The following MGAT4D variants were observed in gnomAD, a reference collection of about 807,000 sequenced individuals.
The protein encoded by MGAT4D is alpha-1,3-mannosyl-glycoprotein 4-beta-N-acetylglucosaminyltransferase-like protein MGAT4D.
Under a neutral mutation model 15.9 loss-of-function variants are expected in MGAT4D, and 34 were observed. The ratio of observed to expected loss-of-function variants is 2.14; its 90% CI spans 1.62 to 2.84. MGAT4D has a LOEUF of 2.84. Ranked by LOEUF, MGAT4D falls within the 30% of genes most tolerant of loss-of-function variation. The pLI is 0.00. For missense variants in MGAT4D, 327 were observed against 140.2 expected, an observed-to-expected ratio of 2.33 and a Z score of -6.73; for synonymous variants, 112 against 48.2, an observed-to-expected ratio of 2.33 and a Z score of -5.49.
chr4:140,444,337 C>T (rs562066645), intron 10 of MGAT4D, among the ~76,000 whole-genome samples: 180 of 152,106 alleles, frequency 1.2e-3, no homozygotes, highest in Non-Finnish European at 1.9e-3. Flanking sequence ...GCATAGTACC[C>T]GATAGTTATT....
At chr4:140,451,039 T>A (rs890650879) in intron 10 of MGAT4D, among the ~76,000 whole-genome samples, 196 of 152,356 alleles carry the variant, frequency 1.3e-3, no homozygotes, top group African/African-American at 4.5e-3. Flanking sequence ...CTGATACATT[T>A]AAATTAAATA....
At chr4:140,490,177 T>C (rs779210523) in intron 1 of MGAT4D, among the ~76,000 whole-genome samples, 7 of 152,238 alleles carry the variant, frequency 4.6e-5, no homozygotes, top group African/African-American at 7.2e-5. Context: ...TCTATGTTTA[T>C]TCAACATTTA....
chr4:140,496,770 G>A (rs1168816144), intron 1 of MGAT4D, among the ~76,000 whole-genome samples: 1 of 152,144 alleles, frequency 6.6e-6, no homozygotes, highest in Non-Finnish European at 1.5e-5. Flanking sequence ...TTGAACCTGG[G>A]AGGCACAGGT....
At chr4:140,468,101 A>T (rs917704013) in intron 5 of MGAT4D, among the ~76,000 whole-genome samples, 1 of 150,738 alleles carries the variant, frequency 6.6e-6, no homozygotes, top group African/African-American at 2.4e-5. Flanking sequence ...AAAAATAGTG[A>T]ATATTAAATA....
rs61131099 is a variant in MGAT4D, at chr4:140,485,810, TAAAAAAAAAAAAAAAAAAAAAAA to T, written c.95-3348_95-3326del. Among the ~76,000 whole-genome samples, 3 of 13,018 alleles carry T rather than the reference TAAAAAAAAAAAAAAAAAAAAAAA, an allele frequency of 2.3e-4. 1 individual carries two copies. The highest frequency in any genetic ancestry group is 3.5e-3 in the South Asian group (1 of 286). The allele number at this position is 13,018 out of a possible 152,430, so 8.5% of individuals were successfully genotyped here. A position where few individuals can be genotyped will look rare whatever the true frequency, so the allele number is the denominator to read the frequency against. On this transcript the variant is annotated intron_variant, in intron 1 of 10. Transcript: ENST00000511113. ...TGAGCAACAGAGCAAGACCCTGTCT[TAAAAAAAAAAAAAAAAAAAAAAA>T]AAAAAAAAAAAAAAAGCAATGATGA...
chr4:140,496,157 C>T (rs1177405405), intron 1 of MGAT4D, among the ~76,000 whole-genome samples: 1 of 152,164 alleles, frequency 6.6e-6, no homozygotes, highest in South Asian at 2.1e-4. Flanking sequence ...ATTTTTAAGA[C>T]ATTGGGACTA....
At chr4:140,467,604 G>T (rs1423105213) in intron 5 of MGAT4D, among the ~76,000 whole-genome samples, 1 of 152,044 alleles carries the variant, frequency 6.6e-6, no homozygotes, top group East Asian at 1.9e-4. Context: ...AATTTTGTGT[G>T]TTGACACCTT....
chr4:140,450,767 T>C (rs575792324), intron 10 of MGAT4D, among the ~76,000 whole-genome samples: 12 of 152,202 alleles, frequency 7.9e-5, no homozygotes, highest in Non-Finnish European at 1.5e-4. Context: ...TTTAAACTCT[T>C]TGAAGCTTTT....
intron 1 of MGAT4D, among the ~76,000 whole-genome samples, chr4:140,489,484 C>T (rs191321345): frequency 6.6e-6 from 1 of 152,226 alleles, no homozygotes; most frequent in African/African-American, 2.4e-5. Flanking sequence ...GTTTCCTTCC[C>T]AGATCCAATT....
At chr4:140,491,905 AG>A (rs75913290) in intron 1 of MGAT4D, among the ~76,000 whole-genome samples, 3,680 of 152,136 alleles carry the variant, frequency 0.024, 196 homozygotes, top group East Asian at 0.23. Context: ...AGAAAGGAGG[AG>A]GGGGGTGCAG....
In MGAT4D at chr4:140,471,229, T is replaced by A. The variant is rs146584818; in HGVS notation, c.572+546A>T. Among the ~76,000 whole-genome samples the A allele has an allele frequency of 1.2e-3, 69 of 59,124 alleles. 1 individual carries two copies. The highest frequency in any genetic ancestry group is 1.4e-3 in the Non-Finnish European group (47 of 33,086). The allele number at this position is 59,124 out of a possible 152,430, so 38.8% of individuals were successfully genotyped here. On this transcript the variant is annotated intron_variant, in intron 5 of 10. Coordinates refer to ENST00000511113, the MANE Select transcript of MGAT4D (RefSeq NM_001277353.2). Reference sequence around the variant, plus strand: ...TCGTTTCTCCTTTCTCCTTTTTGTTTCCTTCCTTCCTTCCTTCCTTCCTTC... The same window carrying A: ...TCGTTTCTCCTTTCTCCTTTTTGTTACCTTCCTTCCTTCCTTCCTTCCTTC...
chr4:140,489,513 C>G (rs979475511), intron 1 of MGAT4D, among the ~76,000 whole-genome samples: 26 of 152,168 alleles, frequency 1.7e-4, no homozygotes, highest in Non-Finnish European at 3.1e-4. Flanking sequence ...TCCCTACCCC[C>G]AGATAAGCAG....
intron 2 of MGAT4D, among the ~76,000 whole-genome samples, chr4:140,481,712 ATTGT>A (rs1256192400): frequency 6.6e-6 from 1 of 152,236 alleles, no homozygotes; most frequent in South Asian, 2.1e-4. Flanking sequence ...AGGGTTACAC[ATTGT>A]TTGATTGCAT....
chr4:140,484,744 T>C (rs1284772749), intron 1 of MGAT4D, among the ~76,000 whole-genome samples: 1 of 152,094 alleles, frequency 6.6e-6, no homozygotes, highest in Non-Finnish European at 1.5e-5. Context: ...GGGCAAAGGA[T>C]ATGAACAGAC....
Position 140,479,500 on chromosome 4 carries a change from C to A in MGAT4D, c.381G>T (p.Gly127=). 1 of 490,684 alleles carries A rather than the reference C, an allele frequency of 2.0e-6. No homozygotes were observed. The highest frequency in any genetic ancestry group is 3.4e-5 in the South Asian group (1 of 29,362). 30.4% of individuals were successfully genotyped at this position (490,684 alleles called of 1,614,324 possible). ...TCTAAGTTTTCTTACCACCAGTTTTCCCTTTGCCAATGATTACATCAGGAT... is the reference window on the plus strand; with the variant it reads ...TCTAAGTTTTCTTACCACCAGTTTTACCTTTGCCAATGATTACATCAGGAT... The part of the protein sequence containing the change: ...RIYPDVIIGK[G]KTGVSFALGI... Residue 127 remains glycine, a synonymous_variant, in exon 3 of 11, where the codon GGG becomes GGT. Coordinates refer to ENST00000511113, the MANE Select transcript of MGAT4D (RefSeq NM_001277353.2).
At chr4:140,472,944 T>G (rs1478625149) in intron 4 of MGAT4D, among the ~76,000 whole-genome samples, 1 of 152,096 alleles carries the variant, frequency 6.6e-6, no homozygotes, top group Non-Finnish European at 1.5e-5. Context: ...GTTTCGAGTT[T>G]TTTCTGCATT....
At chr4:140,448,397 T>A (rs1179055319) in intron 10 of MGAT4D, among the ~76,000 whole-genome samples, 1 of 152,174 alleles carries the variant, frequency 6.6e-6, no homozygotes, top group Non-Finnish European at 1.5e-5. Flanking sequence ...CTTTGTTTAT[T>A]CTTTTTTCAC....
At chr4:140,466,617 A>AT (rs1203953041) in intron 5 of MGAT4D, among the ~76,000 whole-genome samples, 1 of 152,064 alleles carries the variant, frequency 6.6e-6, no homozygotes, top group Non-Finnish European at 1.5e-5. Context: ...GCTTAACAAT[A>AT]TTTTTCATTT....
intron 5 of MGAT4D, among the ~76,000 whole-genome samples, chr4:140,469,452 T>C (rs1327996793): frequency 2.6e-5 from 4 of 152,332 alleles, no homozygotes; most frequent in African/African-American, 9.6e-5. Flanking sequence ...AATTTTCAAA[T>C]GTCCCCAGTC....
Sources: allele counts gnomAD v4.1 joint callset (sites outside exome capture counted in the v4.1 genomes callset), GRCh38; gene constraint gnomAD v4.1.1; transcripts MANE v1.5; gene names NCBI Gene and HGNC (gene_info 2026-07-23, HGNC 2026-07-21).